Variants in FRAS1 observed in about 807,000 individuals in gnomAD.
FRAS1 encodes Fraser extracellular matrix complex subunit 1.
Under a neutral mutation model 435.2 loss-of-function variants are expected in FRAS1, and 290 were observed. The observed-to-expected ratio is 0.67, with a 90% CI of 0.61 to 0.73. FRAS1 has a LOEUF of 0.73. Among genes scored for constraint, FRAS1 ranks in the 30% least tolerant of loss-of-function variants. The pLI is 0.00. For synonymous variants in FRAS1, 1,800 were observed against 1,851.0 expected (o/e 0.97, Z 0.71); for missense variants, 4,860 against 5,001.5 (o/e 0.97, Z 0.85).
intron 2 of FRAS1, among the ~76,000 whole-genome samples, chr4:78,076,557 C>T (rs773548826): frequency 5.3e-5 from 8 of 152,066 alleles, no homozygotes; most frequent in African/African-American, 7.2e-5. Flanking sequence ...TTCTCTCATG[C>T]GGTACAACAG....
At chr4:78,485,132 A>T (rs1720128931) in intron 58 of FRAS1, among the ~76,000 whole-genome samples, 1 of 152,252 alleles carries the variant, frequency 6.6e-6, no homozygotes, top group Non-Finnish European at 1.5e-5. Flanking sequence ...GCTTAAGGTT[A>T]CTAAGCCTCA....
intron 50 of FRAS1, among the ~76,000 whole-genome samples, chr4:78,469,757 T>C (rs1024190974): frequency 3.3e-5 from 5 of 151,918 alleles, no homozygotes; most frequent in Admixed American, 2.0e-4. Flanking sequence ...GTTGTTGTTG[T>C]TTTGTTTTTC....
intron 59 of FRAS1, among the ~76,000 whole-genome samples, chr4:78,489,972 A>AG (rs934257656): frequency 1.4e-5 from 2 of 142,106 alleles, no homozygotes; most frequent in African/African-American, 5.8e-5. Flanking sequence ...GGAAAACAAA[A>AG]AAAAAAAAAA....
intron 60 of FRAS1, 99 bp downstream of exon 60, chr4:78,497,060 A>G (rs184790137): frequency 1.6e-5 from 15 of 923,486 alleles, no homozygotes; most frequent in East Asian, 1.0e-4. Flanking sequence ...GTGCTTTAAG[A>G]ATGCCTACTG....
At chr4:78,505,135 C>T (rs896358286) in intron 61 of FRAS1, among the ~76,000 whole-genome samples, 1 of 152,186 alleles carries the variant, frequency 6.6e-6, no homozygotes, top group Non-Finnish European at 1.5e-5. Context: ...GTAATCCGAC[C>T]TTTCTCTCTG....
chr4:78,435,753 ACAAC>A (rs1025399893), intron 38 of FRAS1, among the ~76,000 whole-genome samples: 2 of 149,744 alleles, frequency 1.3e-5, no homozygotes, highest in African/African-American at 4.9e-5. Flanking sequence ...AAAAAAAAAA[ACAAC>A]CAGTCATAGC....
chr4:78,201,475 G>A (rs1723046784), intron 2 of FRAS1, among the ~76,000 whole-genome samples: 2 of 152,250 alleles, frequency 1.3e-5, no homozygotes, highest in East Asian at 1.9e-4. Flanking sequence ...AAACCCATGG[G>A]TCATGCCCTC....
chr4:78,112,462 T>A (rs1742794656), intron 2 of FRAS1, among the ~76,000 whole-genome samples: 1 of 152,120 alleles, frequency 6.6e-6, no homozygotes, highest in South Asian at 2.1e-4. Flanking sequence ...CTTTTTTTTC[T>A]GATAACTTTT....
rs1182905069 is a variant in FRAS1, at chr4:78,526,605, T to C, written c.10873T>C (p.Trp3625Arg). Residue 3625 changes from tryptophan to arginine, a missense_variant, in exon 70 of 74, where the codon TGG (tryptophan) becomes CGG (arginine). By Grantham distance (101) the Trp-to-Arg change is moderately radical (BLOSUM62 -3). Coordinates refer to ENST00000512123, the MANE Select transcript of FRAS1 (RefSeq NM_025074.7). ...IPCTVQPTQP[W>R]VDPGEKPLAC... is the part of the protein sequence containing the mutation. The stretch of plus-strand genomic sequence containing the variant: ...TTGCACAGTGCAGCCCACACAGCCA[T>C]GGGTTGACCCAGGAGAGAAGCCTTT... The C allele has an allele frequency of 1.2e-6, 2 of 1,602,242 alleles. No individual in the cohort carries two copies. Among genetic ancestry groups the C allele is most frequent in the Middle Eastern group, 1.7e-4 (1 of 6,058 alleles).
intron 2 of FRAS1, among the ~76,000 whole-genome samples, chr4:78,136,650 G>A (rs887833244): frequency 7.9e-5 from 12 of 152,120 alleles, no homozygotes; most frequent in Non-Finnish European, 1.5e-4. Context: ...GGGACATGTC[G>A]AAGGCCACAC....
intron 68 of FRAS1, 142 bp from the exon 69 acceptor site, chr4:78,522,507 A>T (rs1333726443): frequency 2.9e-6 from 2 of 700,932 alleles, no homozygotes; most frequent in African/African-American, 3.6e-5. Flanking sequence ...AATATATTCT[A>T]AGGGGCAAAA....
At chr4:78,540,038 G>C (rs1722000383) in intron 73 of FRAS1, among the ~76,000 whole-genome samples, 1 of 152,194 alleles carries the variant, frequency 6.6e-6, no homozygotes, top group South Asian at 2.1e-4. Flanking sequence ...GATTGAGAAG[G>C]TGTTTAGAAA....
rs1259950906 is a variant in FRAS1, at chr4:78,542,861, C to T, written c.*1737C>T. ...AGGGAGGAGAGAGGAAAACAATTAT[C>T]TTCTCTACTTGGATTATGAGATAAC... On this transcript the variant is annotated 3_prime_UTR_variant, in exon 74 of 74. Transcript: ENST00000512123. 6.6e-6 allele frequency: 1 copy of T among 152,194 alleles called. No homozygotes were observed. Among genetic ancestry groups the T allele is most frequent in the Admixed American group, 6.5e-5 (1 of 15,284 alleles). The allele number at this position is 152,194 out of a possible 1,614,324, so 9.4% of individuals were successfully genotyped here.
rs568290594 is a variant in FRAS1, at chr4:78,526,712, C to T, written c.10925+55C>T. 3.9e-5 allele frequency: 44 copies of T among 1,122,402 alleles called. 1 individual carries two copies. The South Asian group carries it at 6.8e-4, about 17-fold the overall frequency. 69.5% of individuals were successfully genotyped at this position (1,122,402 alleles called of 1,614,324 possible). On this transcript the variant is annotated intron_variant, in intron 70 of 73. Transcript: ENST00000512123. The stretch of plus-strand genomic sequence containing the variant: ...TGTTGATTCCTTATTTGTGAATTCT[C>T]CTACTCACTAAAATTTATTTGTAAC...
chr4:78,516,896 T>C (rs532744974), intron 66 of FRAS1, among the ~76,000 whole-genome samples: 1 of 152,250 alleles, frequency 6.6e-6, no homozygotes, highest in East Asian at 1.9e-4. Context: ...GAGATTTGGG[T>C]GGGGACACAG....
At chr4:78,197,953 A>G (rs1330026560) in intron 2 of FRAS1, among the ~76,000 whole-genome samples, 1 of 140,006 alleles carries the variant, frequency 7.1e-6, no homozygotes, top group Non-Finnish European at 1.6e-5. Flanking sequence ...AAAAAAAAAA[A>G]GAGTGGACTG....
At chr4:78,299,188 G>C (rs1045592636) in intron 14 of FRAS1, among the ~76,000 whole-genome samples, 3 of 152,208 alleles carry the variant, frequency 2.0e-5, no homozygotes, top group Non-Finnish European at 2.9e-5. Flanking sequence ...TGTGCAAGGG[G>C]AGATAGTGGA....
chr4:78,197,746 C>T (rs960722030), intron 2 of FRAS1, among the ~76,000 whole-genome samples: 2 of 152,022 alleles, frequency 1.3e-5, no homozygotes, highest in Admixed American at 1.3e-4. Flanking sequence ...TCGAGACCAT[C>T]CTGGCTAACA....
At chr4:78,304,518 T>C (rs557494197) in intron 14 of FRAS1, among the ~76,000 whole-genome samples, 2 of 152,332 alleles carry the variant, frequency 1.3e-5, no homozygotes, top group African/African-American at 4.8e-5. Context: ...TTTGGTAAGC[T>C]ATTGATTATT....
Sources: allele counts gnomAD v4.1 joint callset (sites outside exome capture counted in the v4.1 genomes callset), GRCh38; gene constraint gnomAD v4.1.1; transcripts MANE v1.5; gene names NCBI Gene and HGNC (gene_info 2026-07-23, HGNC 2026-07-21).